PAM: variants seen among roughly 807,000 people sequenced by gnomAD.
PAM encodes peptidyl-glycine alpha-amidating monooxygenase.
Under a neutral mutation model 122.1 loss-of-function variants are expected in PAM, and 72 were observed. That is an observed-to-expected ratio of 0.59 (90% CI 0.49 to 0.72). PAM has a LOEUF of 0.72. PAM is among the 30% of genes least tolerant of loss of function. The probability of loss-of-function intolerance (pLI) is 0.00; values close to 1 mark genes in which losing one functional copy is unlikely to be tolerated. For synonymous variants in PAM, 389 were observed against 404.4 expected, an observed-to-expected ratio of 0.96 and a Z score of 0.46; for missense variants, 1,106 against 1,183.7, an observed-to-expected ratio of 0.93 and a Z score of 0.96.
intron 14 of PAM, among the ~76,000 whole-genome samples, chr5:102,970,044 G>A (rs1342066808): frequency 6.6e-6 from 1 of 152,142 alleles, no homozygotes. Flanking sequence ...TTTCAACAGG[G>A]CTACAGCCTC....
chr5:102,797,676 G>A (rs1763717911), intron 1 of PAM, among the ~76,000 whole-genome samples: 1 of 152,064 alleles, frequency 6.6e-6, no homozygotes, highest in Admixed American at 6.5e-5. Flanking sequence ...GAGAAAATTG[G>A]CAATGTTCCA....
At chr5:103,003,728 T>TTGC (rs1778103587) in intron 17 of PAM, among the ~76,000 whole-genome samples, 1 of 152,126 alleles carries the variant, frequency 6.6e-6, no homozygotes, top group South Asian at 2.1e-4. Flanking sequence ...ATTAAGTGAG[T>TTGC]TGCTGCTCAG....
At chr5:102,984,293 C>G (rs192409923) in intron 15 of PAM, among the ~76,000 whole-genome samples, 1 of 152,256 alleles carries the variant, frequency 6.6e-6, no homozygotes, top group African/African-American at 2.4e-5. Flanking sequence ...ATATAGACTG[C>G]CTTAATGGAG....
At chr5:102,900,828 T>C (rs1297284105) in intron 3 of PAM, among the ~76,000 whole-genome samples, 1 of 151,426 alleles carries the variant, frequency 6.6e-6, no homozygotes, top group Non-Finnish European at 1.5e-5. Context: ...AAAGAAATAA[T>C]AGCTTGAGTT....
At chr5:102,888,836 T>C (rs1206096179) in intron 3 of PAM, among the ~76,000 whole-genome samples, 2 of 151,952 alleles carry the variant, frequency 1.3e-5, no homozygotes, top group Admixed American at 6.6e-5. Context: ...ATACCCTTTT[T>C]ACAAATATTA....
chr5:103,010,351 T>C (rs953502926), intron 21 of PAM, among the ~76,000 whole-genome samples: 3 of 152,234 alleles, frequency 2.0e-5, no homozygotes, highest in Non-Finnish European at 4.4e-5. Context: ...ATTCAAGTTC[T>C]AAAGATTTGG....
intron 15 of PAM, among the ~76,000 whole-genome samples, chr5:102,982,769 G>A (rs1385226355): frequency 7.2e-5 from 11 of 152,112 alleles, no homozygotes; most frequent in Admixed American, 7.2e-4. Context: ...AGAAGCAACT[G>A]TTATACCACA....
chr5:103,005,907 CTTG>C (rs80026727), intron 18 of PAM, among the ~76,000 whole-genome samples: 1,759 of 150,900 alleles, frequency 0.012, 20 homozygotes, highest in Non-Finnish European at 0.014. Flanking sequence ...CTGTTCCTAA[CTTG>C]TTGTTGTTGT....
At chr5:102,980,892 T>A (rs1269893961) in intron 15 of PAM, among the ~76,000 whole-genome samples, 2 of 152,210 alleles carry the variant, frequency 1.3e-5, no homozygotes, top group Non-Finnish European at 2.9e-5. Context: ...TTCCAAACAT[T>A]CAGTACTAAG....
At chr5:102,799,539 A>G (rs1290308093) in intron 1 of PAM, among the ~76,000 whole-genome samples, 1 of 152,208 alleles carries the variant, frequency 6.6e-6, no homozygotes, top group African/African-American at 2.4e-5. Context: ...TTTCAGCCAC[A>G]TATTTCTTAG....
chr5:102,840,533 A>G lies in PAM; in HGVS notation c.-373-25290A>G, dbSNP rs114312456. ...TGTAATAGTAGTAGTAGTAAAATAT[A>G]TAATTTGGGATTGAGTTTAGCTGCA... On this transcript the variant is annotated intron_variant, in intron 1 of 25. Coordinates refer to ENST00000438793, the MANE Select transcript of PAM (RefSeq NM_001177306.2). 6.9e-3 allele frequency among the ~76,000 whole-genome samples: 1,051 copies of G among 152,360 alleles called. 8 individuals are homozygous for G. The highest frequency in any genetic ancestry group is 0.013 in the Non-Finnish European group (874 of 68,020).
intron 5 of PAM, among the ~76,000 whole-genome samples, chr5:102,916,996 A>T (rs1745681066): frequency 6.6e-6 from 1 of 152,062 alleles, no homozygotes; most frequent in Admixed American, 6.6e-5. Flanking sequence ...GGCCTCCCAA[A>T]GTGCTGGGAT....
At chr5:102,920,653 C>T (rs1343512872) in intron 5 of PAM, among the ~76,000 whole-genome samples, 1 of 152,060 alleles carries the variant, frequency 6.6e-6, no homozygotes, top group Non-Finnish European at 1.5e-5. Flanking sequence ...TAAGGACCAT[C>T]CCCTCATGCT....
chr5:102,778,232 G>C (rs1280605474), intron 1 of PAM, among the ~76,000 whole-genome samples: 2 of 152,108 alleles, frequency 1.3e-5, no homozygotes, highest in East Asian at 1.9e-4. Flanking sequence ...TTGCACTTCT[G>C]CATGGTCCTT....
At chr5:102,847,426 CA>C (rs777522977) in intron 1 of PAM, among the ~76,000 whole-genome samples, 30 of 152,138 alleles carry the variant, frequency 2.0e-4, no homozygotes, top group Non-Finnish European at 2.8e-4. Context: ...GTGACAAGAG[CA>C]AAACTCCATC....
intron 1 of PAM, among the ~76,000 whole-genome samples, chr5:102,759,501 T>A (rs979194807): frequency 1.3e-5 from 2 of 152,210 alleles, no homozygotes; most frequent in African/African-American, 4.8e-5. Context: ...ATTGTCAGGT[T>A]GGGATGCAGG....
chr5:102,797,568 AT>A (rs1259097866), intron 1 of PAM, among the ~76,000 whole-genome samples: 8 of 152,154 alleles, frequency 5.3e-5, no homozygotes, highest in Non-Finnish European at 8.8e-5. Flanking sequence ...CTGCATTTCC[AT>A]TTTGCATAAT....
rs1027037798 is a variant in PAM, at chr5:102,867,413, T to C, written c.210+20T>C. The stretch of plus-strand genomic sequence containing the variant: ...AAACAGGTGAGAGGAATTTTGTCTT[T>C]CATTATTCACTTGTTCTGGATACAA... On this transcript the variant is annotated intron_variant, in intron 3 of 25. Coordinates refer to ENST00000438793, the MANE Select transcript of PAM (RefSeq NM_001177306.2). 6.3e-7 allele frequency: 1 copy of C among 1,588,090 alleles called. No homozygotes were observed. The highest frequency in any genetic ancestry group is 8.6e-7 in the Non-Finnish European group (1 of 1,158,194).
chr5:102,939,276 T>TAC (rs777224260), intron 7 of PAM, among the ~76,000 whole-genome samples: 2 of 152,126 alleles, frequency 1.3e-5, no homozygotes, highest in Non-Finnish European at 2.9e-5. Flanking sequence ...TTCTTTTCAT[T>TAC]ACATATTAAT....
Sources: allele counts gnomAD v4.1 joint callset (sites outside exome capture counted in the v4.1 genomes callset), GRCh38; gene constraint gnomAD v4.1.1; transcripts MANE v1.5; gene names NCBI Gene and HGNC (gene_info 2026-07-23, HGNC 2026-07-21).